The following CDC42BPA variants were observed in gnomAD, a reference collection of about 807,000 sequenced individuals.
CDC42BPA encodes CDC42 binding protein kinase alpha, also known as serine/threonine-protein kinase MRCK alpha.
A neutral mutation model predicts 223.5 loss-of-function variants in CDC42BPA; 80 were observed. The observed-to-expected ratio is 0.36, with a 90% CI of 0.30 to 0.43. The LOEUF is 0.43. Ranked by LOEUF, CDC42BPA falls within the 20% of genes least tolerant of loss-of-function variation. The pLI, the probability that CDC42BPA is intolerant of heterozygous loss-of-function variation, is 1.00. For synonymous variants in CDC42BPA, 694 were observed against 718.6 expected, an observed-to-expected ratio of 0.97 and a Z score of 0.55; for missense variants, 1,743 against 2,099.9, an observed-to-expected ratio of 0.83 and a Z score of 3.32.
intron 32 of CDC42BPA, among the ~76,000 whole-genome samples, chr1:227,017,504 T>C (rs1016829015): frequency 2.0e-5 from 3 of 152,218 alleles, no homozygotes; most frequent in African/African-American, 7.2e-5. Context: ...AAATAACAAT[T>C]ACAACTATCT....
chr1:227,044,877 C>T (rs188508330), intron 23 of CDC42BPA, among the ~76,000 whole-genome samples: 7 of 152,300 alleles, frequency 4.6e-5, no homozygotes, highest in South Asian at 4.1e-4. Context: ...TAGTTCCCCT[C>T]CCACCCTCGA....
Position 227,017,033 on chromosome 1 carries a change from C to T in CDC42BPA, c.4633G>A (p.Val1545Ile). 6.2e-7 allele frequency: 1 copy of T among 1,611,820 alleles called. No individual in the cohort carries two copies. Among genetic ancestry groups the T allele is most frequent in the Non-Finnish European group, 8.5e-7 (1 of 1,178,782 alleles). ...NKMAEGDELVVPETSDNSRKQ... is the reference protein window; with the variant it reads ...NKMAEGDELVIPETSDNSRKQ... Reference sequence around the variant, plus strand: ...CGACTATTATCTGATGTTTCAGGTACTACCAGTTCGTCCCCTTCTGTTAAA... The same window carrying T: ...CGACTATTATCTGATGTTTCAGGTATTACCAGTTCGTCCCCTTCTGTTAAA... The change falls in exon 33 of 37, where the codon GTA becomes ATA. Residue 1545 changes from valine (V) to isoleucine (I), a missense_variant. This residue lies in a region of CDC42BPA where 678 missense variants were observed against 777.5 expected (regional missense o/e 0.87). Transcript: ENST00000366766.
intron 5 of CDC42BPA, among the ~76,000 whole-genome samples, chr1:227,166,539 A>T (rs1665071447): frequency 6.6e-6 from 1 of 152,176 alleles, no homozygotes; most frequent in South Asian, 2.1e-4. Context: ...TTTGACCAAG[A>T]CTATAGCTTG....
chr1:227,004,781 T>A lies in CDC42BPA; in HGVS notation c.4975+213A>T, dbSNP rs539363715. ...TAATCATATTTGTCTGTCTCCCAGA[T>A]GGCCTGTACACTCTAGAAGGACTCT... On this transcript the variant is annotated intron_variant, in intron 35 of 36. Transcript: ENST00000366766. The A allele has an allele frequency of 2.5e-5, 16 of 643,828 alleles. No individual in the cohort carries two copies. The East Asian group carries it at 4.2e-4, about 17-fold the overall frequency. 39.9% of individuals were successfully genotyped at this position (643,828 alleles called of 1,614,324 possible).
chr1:227,258,251 T>C (rs952510310), intron 1 of CDC42BPA, among the ~76,000 whole-genome samples: 3 of 149,256 alleles, frequency 2.0e-5, no homozygotes, highest in Admixed American at 6.6e-5. Flanking sequence ...CAGTCTTCTA[T>C]ACTTAAAAGC....
intron 2 of CDC42BPA, among the ~76,000 whole-genome samples, chr1:227,223,641 C>G (rs935378212): frequency 6.6e-6 from 1 of 152,194 alleles, no homozygotes. Flanking sequence ...CCTTTGTCCC[C>G]TTCTCTAACC....
At chr1:227,005,152 A>C in intron 34 of CDC42BPA, 41 bp from the exon 35 acceptor site, 1 of 1,378,370 alleles carries the variant, frequency 7.3e-7, no homozygotes, top group Non-Finnish European at 1.0e-6. Flanking sequence ...AGCCAGAAAG[A>C]AACTGATTTT....
intron 1 of CDC42BPA, among the ~76,000 whole-genome samples, chr1:227,288,128 G>A (rs1201080608): frequency 6.6e-6 from 1 of 152,154 alleles, no homozygotes; most frequent in Non-Finnish European, 1.5e-5. Context: ...CACCTAACAT[G>A]GGGATGGTCT....
At position 227,074,027 on chromosome 1, in the gene CDC42BPA, C is replaced by CT; in HGVS notation, c.2587-16dup. 1 of 1,605,812 alleles carries CT rather than the reference C, an allele frequency of 6.2e-7. No individual in the cohort carries two copies. Among genetic ancestry groups the CT allele is most frequent in the Non-Finnish European group, 8.5e-7 (1 of 1,177,794 alleles). ...CAGGGCATATCCTATGAAATAATGACTGTGTTTTTAGTTCCATCCTATTTT... is the reference window on the plus strand; with the variant it reads ...CAGGGCATATCCTATGAAATAATGACTTGTGTTTTTAGTTCCATCCTATTTT... On this transcript the variant is annotated splice_polypyrimidine_tract_variant and intron_variant, in intron 18 of 36. Transcript: ENST00000366766.
At position 227,028,661 on chromosome 1, in the gene CDC42BPA, A is replaced by C. The variant is rs766684463; in HGVS notation, c.4428T>G (p.Ser1476=). 1.3e-6 allele frequency: 2 copies of C among 1,548,880 alleles called. No homozygotes were observed. The highest frequency in any genetic ancestry group is 1.9e-5 in the Admixed American group (1 of 53,028). The change falls in exon 30 of 37, where the codon TCT becomes TCG. Residue 1476 remains serine, a synonymous_variant. Coordinates refer to ENST00000366766, the MANE Select transcript of CDC42BPA (RefSeq NM_001394014.1). ...QELMWPANPS[S]CCYNAPYLSV... The stretch of plus-strand genomic sequence containing the variant: ...CCGTAAGAAAGAGAATCTTACAACA[A>C]GAGGAAGGATTTGCTGGCCACATCA...
chr1:227,003,581 T>C (rs1310026012), intron 35 of CDC42BPA, among the ~76,000 whole-genome samples: 1 of 152,232 alleles, frequency 6.6e-6, no homozygotes, highest in African/African-American at 2.4e-5. Flanking sequence ...ATCAGCCAGA[T>C]GTCCCATCTG....
intron 21 of CDC42BPA, 108 bp downstream of exon 21, chr1:227,069,669 G>T: frequency 1.5e-6 from 1 of 678,738 alleles, no homozygotes; most frequent in Non-Finnish European, 2.6e-6. Flanking sequence ...AAGATTCTAG[G>T]TCCTCTGATG....
At position 227,047,798 on chromosome 1, in the gene CDC42BPA, T is replaced by C. The variant is rs1672750746; in HGVS notation, c.3093+129A>G. On this transcript the variant is annotated intron_variant, in intron 23 of 36. Coordinates refer to ENST00000366766, the MANE Select transcript of CDC42BPA (RefSeq NM_001394014.1). ...ATTGGTGATTATTTGCATTCACACA[T>C]AATTTATTTTATAAGTTTTTCTGTT... 11 of 578,584 alleles carry C rather than the reference T, an allele frequency of 1.9e-5. No individual in the cohort carries two copies. In the South Asian group the frequency reaches 2.5e-4, roughly 13 times the overall value. 35.8% of individuals were successfully genotyped at this position (578,584 alleles called of 1,614,324 possible).
At chr1:227,133,029 G>C (rs1437265038) in intron 10 of CDC42BPA, among the ~76,000 whole-genome samples, 1 of 151,688 alleles carries the variant, frequency 6.6e-6, no homozygotes, top group Non-Finnish European at 1.5e-5. Flanking sequence ...CACCCCGTCC[G>C]GGAGGGAGGT....
At chr1:227,076,733 C>T (rs755034815) in intron 17 of CDC42BPA, among the ~76,000 whole-genome samples, 4 of 152,200 alleles carry the variant, frequency 2.6e-5, no homozygotes, top group African/African-American at 9.6e-5. Context: ...CTCCCTACTA[C>T]ACCTCATATT....
intron 4 of CDC42BPA, among the ~76,000 whole-genome samples, chr1:227,194,481 C>T (rs1670333383): frequency 6.6e-6 from 1 of 152,130 alleles, no homozygotes; most frequent in Non-Finnish European, 1.5e-5. Flanking sequence ...GTGTCTCTTC[C>T]CATTTCTAAT....
chr1:227,127,779 T>C (rs1656144813), intron 11 of CDC42BPA, among the ~76,000 whole-genome samples: 1 of 152,202 alleles, frequency 6.6e-6, no homozygotes, highest in African/African-American at 2.4e-5. Context: ...TAAATTATGC[T>C]CAAAACTAAG....
At chr1:227,230,834 T>TTTTTTTTTTTTA (rs1677776381) in intron 2 of CDC42BPA, among the ~76,000 whole-genome samples, 1 of 141,068 alleles carries the variant, frequency 7.1e-6, no homozygotes, top group African/African-American at 2.6e-5. Flanking sequence ...TTTTTTTTTT[T>TTTTTTTTTTTTA]TTTTTGAGAC....
intron 5 of CDC42BPA, among the ~76,000 whole-genome samples, chr1:227,162,914 G>T (rs67798931): frequency 0.69 from 100,965 of 147,354 alleles, 35,007 homozygotes; most frequent in South Asian, 0.74. Flanking sequence ...GTGTGTATAT[G>T]TGTGTGTTTC....
Sources: gnomAD v4.1 joint callset for allele counts (sites outside exome capture counted in the v4.1 genomes callset) on GRCh38, gnomAD v4.1.1 for gene constraint, gnomAD v4.1.1 regional missense constraint, MANE v1.5 for transcripts, NCBI Gene and HGNC (gene_info 2026-07-23, HGNC 2026-07-21) for gene names.